Variants in MMP16 observed in about 807,000 individuals in gnomAD.
MMP16 encodes the protein matrix metallopeptidase 16.
In MMP16, 12 loss-of-function variants were observed where a neutral mutation model predicts 67.8. That is an observed-to-expected ratio of 0.18 (90% CI 0.11 to 0.29). The LOEUF is 0.29. Among genes scored for constraint, MMP16 ranks in the 10% least tolerant of loss-of-function variants. MMP16 has a pLI of 1.00. For missense variants in MMP16, 475 were observed against 765.7 expected, an observed-to-expected ratio of 0.62 and a Z score of 4.48; for synonymous variants, 249 against 255.9, an observed-to-expected ratio of 0.97 and a Z score of 0.26.
intron 7 of MMP16, among the ~76,000 whole-genome samples, chr8:88,061,547 T>C (rs903570103): frequency 5.3e-5 from 8 of 152,104 alleles, no homozygotes; most frequent in Admixed American, 5.2e-4. Context: ...ATTTGCATGA[T>C]AATTTCTTCC....
chr8:88,201,647 C>A (rs1170374915), intron 1 of MMP16, among the ~76,000 whole-genome samples: 1 of 152,080 alleles, frequency 6.6e-6, no homozygotes, highest in Non-Finnish European at 1.5e-5. Context: ...AATTAACTGA[C>A]TTTCTCAGAT....
chr8:88,097,490 AG>A (rs1300613747), intron 6 of MMP16, among the ~76,000 whole-genome samples: 1 of 151,438 alleles, frequency 6.6e-6, no homozygotes, highest in Non-Finnish European at 1.5e-5. Flanking sequence ...GCCGAGTGTC[AG>A]GGTATATGCC....
intron 1 of MMP16, among the ~76,000 whole-genome samples, chr8:88,222,724 G>C (rs936562309): frequency 9.2e-5 from 14 of 152,002 alleles, no homozygotes; most frequent in African/African-American, 3.1e-4. Context: ...AAATGTTACA[G>C]CTAAAACCAT....
At chr8:88,289,740 T>C (rs930295910) in intron 1 of MMP16, among the ~76,000 whole-genome samples, 10 of 149,050 alleles carry the variant, frequency 6.7e-5, no homozygotes, top group African/African-American at 2.5e-4. Flanking sequence ...ACCCCACTCA[T>C]ATAATCTTAA....
At chr8:88,113,969 C>T (rs554514914) in intron 6 of MMP16, among the ~76,000 whole-genome samples, 5 of 151,820 alleles carry the variant, frequency 3.3e-5, no homozygotes, top group Non-Finnish European at 5.9e-5. Flanking sequence ...TTTCAGGTAA[C>T]AAAGTAAAAA....
chr8:88,311,155 C>T (rs773098610), intron 1 of MMP16, among the ~76,000 whole-genome samples: 15 of 151,864 alleles, frequency 9.9e-5, no homozygotes, highest in Non-Finnish European at 2.2e-4. Flanking sequence ...AGACGGCTCA[C>T]TAATATTTAT....
Position 88,130,746 on chromosome 8 carries a change from G to A in MMP16, c.710-11885C>T, listed in dbSNP as rs1332320881. Among the ~76,000 whole-genome samples the A allele has an allele frequency of 2.1e-5, 3 of 143,716 alleles. No homozygotes were observed. In the East Asian group the frequency reaches 6.1e-4, roughly 29 times the overall value. 94.3% of individuals were successfully genotyped at this position (143,716 alleles called of 152,430 possible). A position where few individuals can be genotyped will look rare whatever the true frequency, so the allele number is the denominator to read the frequency against. ...CTTGGATGGGAACCATAACCTAAAT[G>A]TCTTGTGAAATACGTGTGTGTGTGT... On this transcript the variant is annotated intron_variant, in intron 4 of 9. Coordinates refer to ENST00000286614, the MANE Select transcript of MMP16 (RefSeq NM_005941.5).
At chr8:88,075,778 C>T (rs1808638424) in intron 6 of MMP16, among the ~76,000 whole-genome samples, 2 of 152,018 alleles carry the variant, frequency 1.3e-5, no homozygotes, top group South Asian at 4.2e-4. Flanking sequence ...GTATATATCA[C>T]AAAAATACTT....
chr8:88,127,974 A>G (rs2118463260), intron 4 of MMP16, among the ~76,000 whole-genome samples: 1 of 151,932 alleles, frequency 6.6e-6, no homozygotes, highest in East Asian at 2.0e-4. Flanking sequence ...CTGGCTCATA[A>G]CAAGGAGATG....
intron 4 of MMP16, among the ~76,000 whole-genome samples, chr8:88,130,759 CGTGTGTGTGTGTGT>C (rs112295025): frequency 2.7e-5 from 4 of 146,632 alleles, no homozygotes; most frequent in East Asian, 2.1e-4. Context: ...TTGTGAAATA[CGTGTGTGTGTGTGT>C]GTGTGTGTGT....
At chr8:88,227,635 C>T (rs1259824418) in intron 1 of MMP16, among the ~76,000 whole-genome samples, 1 of 151,974 alleles carries the variant, frequency 6.6e-6, no homozygotes, top group African/African-American at 2.4e-5. Context: ...CAGGCAAGGG[C>T]CCACTCTAGT....
chr8:88,071,921 T>C (rs1335069588), intron 7 of MMP16, among the ~76,000 whole-genome samples: 2 of 152,050 alleles, frequency 1.3e-5, no homozygotes, highest in Non-Finnish European at 2.9e-5. Flanking sequence ...ACAGAAAAAG[T>C]CTGTCAAAGC....
At chr8:88,299,231 C>T (rs922498519) in intron 1 of MMP16, among the ~76,000 whole-genome samples, 3 of 152,024 alleles carry the variant, frequency 2.0e-5, no homozygotes, top group African/African-American at 7.2e-5. Flanking sequence ...ATGGCTGAAC[C>T]CTTCTGCTCA....
At chr8:88,298,574 T>TC (rs1400932585) in intron 1 of MMP16, among the ~76,000 whole-genome samples, 1 of 152,146 alleles carries the variant, frequency 6.6e-6, no homozygotes, top group Non-Finnish European at 1.5e-5. Flanking sequence ...GGAGTTCTAC[T>TC]CCGACCTCCT....
At chr8:88,130,954 G>A (rs1014421555) in intron 4 of MMP16, among the ~76,000 whole-genome samples, 1 of 151,712 alleles carries the variant, frequency 6.6e-6, no homozygotes, top group Non-Finnish European at 1.5e-5. Context: ...AAAGGCAAGG[G>A]ATGTAAATCC....
In MMP16 at chr8:88,062,243, G is replaced by A. The variant is rs538828493; in HGVS notation, c.1223-5965C>T. 4.6e-5 allele frequency among the ~76,000 whole-genome samples: 7 copies of A among 152,190 alleles called. No individual in the cohort carries two copies. In the East Asian group the frequency reaches 9.7e-4, roughly 21 times the overall value. Reference sequence around the variant, plus strand: ...ACTAGTTCAACCATTGTGGAAGACAGTGTGGCGATTCCTCAAGGATCTAGA... The same window carrying A: ...ACTAGTTCAACCATTGTGGAAGACAATGTGGCGATTCCTCAAGGATCTAGA... On this transcript the variant is annotated intron_variant, in intron 7 of 9. Transcript: ENST00000286614.
chr8:88,116,801 T>C, intron 5 of MMP16, 83 bp from the exon 6 acceptor site: 2 of 1,242,730 alleles, frequency 1.6e-6, no homozygotes, highest in South Asian at 1.3e-5. Context: ...CAATCACTTA[T>C]CAGCAGAAGG....
At position 88,102,831 on chromosome 8, in the gene MMP16, C is replaced by T. The variant is rs28906381; in HGVS notation, c.1083+13676G>A. 9.6e-3 allele frequency among the ~76,000 whole-genome samples: 1,458 copies of T among 151,966 alleles called. 7 individuals carry two copies. The highest frequency in any genetic ancestry group is 0.017 in the Non-Finnish European group (1,139 of 67,868). On this transcript the variant is annotated intron_variant, in intron 6 of 9. Coordinates refer to ENST00000286614, the MANE Select transcript of MMP16 (RefSeq NM_005941.5). ...AATACCATAGTCCACTTGCCCAAAT[C>T]TCTTTTTTGCTAGTTGTCTTCACTC...
At chr8:88,238,234 C>G (rs1809976142) in intron 1 of MMP16, among the ~76,000 whole-genome samples, 1 of 152,158 alleles carries the variant, frequency 6.6e-6, no homozygotes, top group Non-Finnish European at 1.5e-5. Flanking sequence ...TGGGCTTGGG[C>G]AGGCATAGTG....
Sources: allele counts gnomAD v4.1 joint callset (sites outside exome capture counted in the v4.1 genomes callset), GRCh38; gene constraint gnomAD v4.1.1; transcripts MANE v1.5; gene names NCBI Gene and HGNC (gene_info 2026-07-23, HGNC 2026-07-21).